Variants in UBE4B observed in about 807,000 individuals in gnomAD.
UBE4B encodes ubiquitin conjugation factor E4 B.
UBE4B carries 27 observed loss-of-function variants against 148.1 expected under a neutral mutation model. The observed-to-expected ratio is 0.18, with a 90% CI of 0.13 to 0.25. The LOEUF is 0.25. Among genes scored for constraint, UBE4B ranks in the 10% least tolerant of loss-of-function variants. UBE4B has a pLI of 1.00. For missense variants in UBE4B, 1,170 were observed against 1,662.4 expected (o/e 0.70, Z 5.15); for synonymous variants, 596 against 619.3 (o/e 0.96, Z 0.56).
intron 1 of UBE4B, among the ~76,000 whole-genome samples, chr1:10,061,859 G>A (rs559095014): frequency 6.3e-4 from 95 of 151,578 alleles, no homozygotes; most frequent in African/African-American, 2.1e-3. Flanking sequence ...TTACTGTGTT[G>A]CTATACGTGT....
chr1:10,129,352 A>G lies in UBE4B; in HGVS notation c.1639-40A>G, dbSNP rs1471967896. ...TTATGCTACAAATGACAGTCAGTTT[A>G]AGATGAAATGCATTTAAATGACTCT... On this transcript the variant is annotated intron_variant, in intron 11 of 27. Coordinates refer to ENST00000343090, the MANE Select transcript of UBE4B (RefSeq NM_001105562.3). 1.9e-6 allele frequency: 3 copies of G among 1,577,898 alleles called. No homozygotes were observed. In the East Asian group the frequency reaches 6.8e-5, roughly 36 times the overall value.
intron 22 of UBE4B, among the ~76,000 whole-genome samples, chr1:10,160,504 G>T (rs985925701): frequency 6.6e-6 from 1 of 152,082 alleles, no homozygotes; most frequent in African/African-American, 2.4e-5. Flanking sequence ...GGTTTTCCAT[G>T]GTGTGACTGT....
At chr1:10,101,490 GTCTTTTGCTTTTTTTTTTTTTTTTTTTT>G (rs1456810953) in intron 4 of UBE4B, among the ~76,000 whole-genome samples, 1 of 137,010 alleles carries the variant, frequency 7.3e-6, no homozygotes, top group Admixed American at 7.3e-5. Context: ...CTTTCTGTTG[GTCTTTTGCTTTTTTTTTTTTTTTTTTTT>G]TTTTTTTTGA....
intron 23 of UBE4B, among the ~76,000 whole-genome samples, chr1:10,162,948 ATCAGCAT>A (rs796447474): frequency 5.6e-4 from 85 of 152,298 alleles, no homozygotes; most frequent in African/African-American, 2.0e-3. Context: ...GTCTTCGCCA[ATCAGCAT>A]AGCTGAAAAT....
chr1:10,062,877 A>T (rs946365874), intron 1 of UBE4B, among the ~76,000 whole-genome samples: 1 of 151,052 alleles, frequency 6.6e-6, no homozygotes, highest in Non-Finnish European at 1.5e-5. Context: ...AATGGCTTGT[A>T]CCTGGGAGGC....
chr1:10,154,716 C>G (rs940272208), intron 21 of UBE4B, among the ~76,000 whole-genome samples: 1 of 152,034 alleles, frequency 6.6e-6, no homozygotes, highest in Non-Finnish European at 1.5e-5. Flanking sequence ...GTGGTGCACA[C>G]CTATAGTCCC....
intron 11 of UBE4B, among the ~76,000 whole-genome samples, chr1:10,127,417 C>T (rs1645520330): frequency 6.6e-6 from 1 of 152,138 alleles, no homozygotes; most frequent in South Asian, 2.1e-4. Context: ...ACATTGTGGA[C>T]AGAAGCTTCA....
At chr1:10,114,195 TTTCA>T (rs1164466159) in intron 7 of UBE4B, among the ~76,000 whole-genome samples, 2 of 152,338 alleles carry the variant, frequency 1.3e-5, no homozygotes, top group African/African-American at 4.8e-5. Flanking sequence ...GAAGATCTAT[TTTCA>T]TTGTCATCTG....
At chr1:10,157,816 G>A (rs902709458) in intron 21 of UBE4B, among the ~76,000 whole-genome samples, 2 of 152,006 alleles carry the variant, frequency 1.3e-5, no homozygotes, top group African/African-American at 2.4e-5. Context: ...CATGAATTCT[G>A]AAATTTCTCA....
intron 19 of UBE4B, among the ~76,000 whole-genome samples, chr1:10,148,845 C>T (rs1021643663): frequency 2.6e-5 from 4 of 151,856 alleles, no homozygotes; most frequent in Non-Finnish European, 5.9e-5. Flanking sequence ...GAGGCTGAGA[C>T]ATGATAATCG....
rs1243494053 is a variant in UBE4B at position 10,130,798 on chromosome 1, C to T, written c.1896C>T (p.Tyr632=). The T allele has an allele frequency of 6.2e-7, 1 of 1,614,120 alleles. No homozygotes were observed. The highest frequency in any genetic ancestry group is 8.5e-7 in the Non-Finnish European group (1 of 1,179,992). The change falls in exon 14 of 28, where the codon TAC becomes TAT. Residue 632 remains tyrosine, a synonymous_variant. Transcript: ENST00000343090. ...TGGTTAGCCAATCATTGCAGCATTA[C>T]TTAGAGCTCGGAAGGGTAAGTGTTC... is the stretch of plus-strand genomic sequence containing the variant. ...TRVVSQSLQH[Y]LELGRQELFK...
intron 1 of UBE4B, among the ~76,000 whole-genome samples, chr1:10,070,561 A>G (rs1570821175): frequency 6.6e-6 from 1 of 151,876 alleles, no homozygotes; most frequent in East Asian, 1.9e-4. Flanking sequence ...GGTATAGTTT[A>G]GTTTTTCTTA....
intron 10 of UBE4B, among the ~76,000 whole-genome samples, chr1:10,124,600 T>A (rs186491695): frequency 8.9e-4 from 136 of 152,356 alleles, no homozygotes; most frequent in Non-Finnish European, 5.9e-4. Context: ...AGAGGAATGA[T>A]AACTGGGATG....
intron 21 of UBE4B, among the ~76,000 whole-genome samples, chr1:10,153,958 T>A (rs1215255831): frequency 6.6e-6 from 1 of 152,206 alleles, no homozygotes; most frequent in Non-Finnish European, 1.5e-5. Flanking sequence ...GGCACATGCC[T>A]GTAATCCCAG....
chr1:10,106,049 A>T lies in UBE4B; in HGVS notation c.810-148A>T. 1 of 978,088 alleles carries T rather than the reference A, an allele frequency of 1.0e-6. No homozygotes were observed. Among genetic ancestry groups the T allele is most frequent in the East Asian group, 2.6e-5 (1 of 37,922 alleles). 60.6% of individuals were successfully genotyped at this position (978,088 alleles called of 1,614,324 possible). A position where few individuals can be genotyped will look rare whatever the true frequency, so the allele number is the denominator to read the frequency against. On this transcript the variant is annotated intron_variant, in intron 6 of 27. Coordinates refer to ENST00000343090, the MANE Select transcript of UBE4B (RefSeq NM_001105562.3). The surrounding 1 kb of genome is among the most constrained non-coding windows in gnomAD (Gnocchi z 4.2). Reference sequence around the variant, plus strand: ...TAGCCTCTAGATCAATAGGGCAATTAGATTATAATTATTTAGATGTTTATC... The same window carrying T: ...TAGCCTCTAGATCAATAGGGCAATTTGATTATAATTATTTAGATGTTTATC...
chr1:10,127,031 G>A (rs1458890281), intron 11 of UBE4B, among the ~76,000 whole-genome samples, 154 bp downstream of exon 11: 4 of 152,136 alleles, frequency 2.6e-5, no homozygotes. Context: ...TGTTTGGTGT[G>A]CAGTGAGATG....
chr1:10,090,793 TTGTGTGTGTGTGTG>T lies in UBE4B; in HGVS notation c.212-4642_212-4629del, dbSNP rs57486350. 7.1e-5 allele frequency among the ~76,000 whole-genome samples: 10 copies of T among 141,510 alleles called. No individual in the cohort carries two copies. The East Asian group carries it at 1.5e-3, about 21-fold the overall frequency. 92.8% of individuals were successfully genotyped at this position (141,510 alleles called of 152,430 possible). A position where few individuals can be genotyped will look rare whatever the true frequency, so the allele number is the denominator to read the frequency against. On this transcript the variant is annotated intron_variant, in intron 2 of 27. Transcript: ENST00000343090. ...CGGTGGAATTTAGAAGCCTATGCAT[TTGTGTGTGTGTGTG>T]TGTGTGTGTGTGTGTGTGTGTGTGT...
At chr1:10,043,519 T>C (rs150809853) in intron 1 of UBE4B, among the ~76,000 whole-genome samples, 7,640 of 142,636 alleles carry the variant, frequency 0.054, 298 homozygotes, top group African/African-American at 0.12. Flanking sequence ...CTCCGCCACC[T>C]GGGTTCACAC....
chr1:10,095,965 T>A (rs1468672499), intron 3 of UBE4B, among the ~76,000 whole-genome samples: 1 of 152,056 alleles, frequency 6.6e-6, no homozygotes, highest in Non-Finnish European at 1.5e-5. Flanking sequence ...AGAGACAGGG[T>A]TTCAGCTGTT....
Sources: allele counts gnomAD v4.1 joint callset (sites outside exome capture counted in the v4.1 genomes callset), GRCh38; gene constraint gnomAD v4.1.1; non-coding constraint Gnocchi (gnomAD v3.1); transcripts MANE v1.5; gene names NCBI Gene and HGNC (gene_info 2026-07-23, HGNC 2026-07-21).